The following LRRTM4 variants were observed in gnomAD, a reference collection of about 807,000 sequenced individuals.
LRRTM4 encodes the protein leucine rich repeat transmembrane neuronal 4, also known as leucine-rich repeat transmembrane neuronal protein 4.
A neutral mutation model predicts 47.6 loss-of-function variants in LRRTM4; 25 were observed. The observed-to-expected ratio is 0.53, with a 90% CI of 0.38 to 0.73. The LOEUF is 0.73. Ranked by LOEUF, LRRTM4 falls within the 30% of genes least tolerant of loss-of-function variation. The pLI is 0.00. For missense variants in LRRTM4, 638 were observed against 713.4 expected (o/e 0.89, Z 1.20); for synonymous variants, 311 against 269.5 (o/e 1.15, Z -1.51).
chr2:77,463,034 T>A (rs952554783), intron 3 of LRRTM4, among the ~76,000 whole-genome samples: 2 of 152,034 alleles, frequency 1.3e-5, no homozygotes, highest in Admixed American at 6.6e-5. Context: ...GCCTTGATTA[T>A]CAGTGGAAAT....
chr2:76,769,525 G>GA (rs70939834), intron 3 of LRRTM4, among the ~76,000 whole-genome samples: 18,962 of 147,684 alleles, frequency 0.13, 1,656 homozygotes, highest in East Asian at 0.4. Context: ...ACTTGCAACT[G>GA]AAAAAAAAAC....
chr2:77,507,037 G>A (rs1678803219), intron 3 of LRRTM4, among the ~76,000 whole-genome samples: 1 of 152,006 alleles, frequency 6.6e-6, no homozygotes, highest in Non-Finnish European at 1.5e-5. Flanking sequence ...TATTACCTCT[G>A]CATAGTGGGG....
chr2:77,218,536 T>G (rs1239683126), intron 3 of LRRTM4, among the ~76,000 whole-genome samples: 1 of 151,616 alleles, frequency 6.6e-6, no homozygotes, highest in Non-Finnish European at 1.5e-5. Flanking sequence ...ATTTATTTAT[T>G]TATTTATTGT....
At chr2:76,771,849 A>T (rs746808145) in intron 3 of LRRTM4, among the ~76,000 whole-genome samples, 9 of 151,942 alleles carry the variant, frequency 5.9e-5, no homozygotes, top group Non-Finnish European at 1.2e-4. Context: ...GGAGGACTCT[A>T]ACTCTATGTG....
At chr2:77,193,639 G>A (rs892026036) in intron 3 of LRRTM4, among the ~76,000 whole-genome samples, 11 of 151,844 alleles carry the variant, frequency 7.2e-5, no homozygotes, top group South Asian at 2.1e-4. Context: ...GTGAAACCCC[G>A]TCTCTACAAA....
At chr2:76,921,420 C>T (rs1469541953) in intron 3 of LRRTM4, among the ~76,000 whole-genome samples, 3 of 152,010 alleles carry the variant, frequency 2.0e-5, no homozygotes, top group African/African-American at 7.2e-5. Flanking sequence ...TAATGTTTGA[C>T]AGATTTCTCT....
intron 3 of LRRTM4, among the ~76,000 whole-genome samples, chr2:76,822,542 A>G (rs1671081368): frequency 6.6e-6 from 1 of 151,610 alleles, no homozygotes; most frequent in Non-Finnish European, 1.5e-5. Flanking sequence ...CTGAACTTTC[A>G]GAGGCAAAAA....
chr2:76,859,743 A>G (rs529863994), intron 3 of LRRTM4, among the ~76,000 whole-genome samples: 15 of 152,280 alleles, frequency 9.9e-5, no homozygotes, highest in African/African-American at 3.6e-4. Flanking sequence ...TGTTTACTAG[A>G]TAGAAATCTT....
At chr2:77,515,249 T>C (rs949158169) in intron 3 of LRRTM4, among the ~76,000 whole-genome samples, 2 of 152,008 alleles carry the variant, frequency 1.3e-5, no homozygotes, top group East Asian at 1.9e-4. Context: ...TAAAATATTA[T>C]CCCTCATTTT....
At chr2:76,851,329 T>G (rs1355324963) in intron 3 of LRRTM4, among the ~76,000 whole-genome samples, 1 of 152,180 alleles carries the variant, frequency 6.6e-6, no homozygotes, top group African/African-American at 2.4e-5. Context: ...CTGAAAAGCT[T>G]AACAACCACT....
intron 3 of LRRTM4, among the ~76,000 whole-genome samples, chr2:76,826,309 G>A (rs1436849861): frequency 6.6e-6 from 1 of 151,542 alleles, no homozygotes; most frequent in Non-Finnish European, 1.5e-5. Flanking sequence ...AGAATTTAGG[G>A]CTAGGAATGA....
At chr2:77,017,699 G>A (rs1383994249) in intron 3 of LRRTM4, among the ~76,000 whole-genome samples, 2 of 152,082 alleles carry the variant, frequency 1.3e-5, no homozygotes, top group Non-Finnish European at 2.9e-5. Context: ...ACCCGAGGTA[G>A]TCATTACGAT....
chr2:77,411,068 G>C (rs1346020197), intron 3 of LRRTM4, among the ~76,000 whole-genome samples: 3 of 152,136 alleles, frequency 2.0e-5, no homozygotes, highest in Non-Finnish European at 2.9e-5. Context: ...TAATCTGTTA[G>C]CATTATAAAA....
intron 3 of LRRTM4, among the ~76,000 whole-genome samples, chr2:77,335,718 G>C (rs1671138623): frequency 6.6e-6 from 1 of 152,078 alleles, no homozygotes; most frequent in Non-Finnish European, 1.5e-5. Flanking sequence ...TATCTATTTT[G>C]AACATTGATG....
intron 3 of LRRTM4, among the ~76,000 whole-genome samples, chr2:77,122,539 TAC>T (rs918070662): frequency 2.7e-5 from 4 of 150,504 alleles, no homozygotes; most frequent in African/African-American, 7.3e-5. Context: ...ACAATAGATA[TAC>T]ACACACACAT....
chr2:76,898,333 T>C (rs951591904), intron 3 of LRRTM4, among the ~76,000 whole-genome samples: 5 of 151,870 alleles, frequency 3.3e-5, no homozygotes, highest in African/African-American at 7.3e-5. Flanking sequence ...GCAGATTACA[T>C]AGCTTATTTG....
chr2:76,949,819 A>G (rs1573357265), intron 3 of LRRTM4, among the ~76,000 whole-genome samples: 1 of 151,998 alleles, frequency 6.6e-6, no homozygotes, highest in African/African-American at 2.4e-5. Context: ...TGACATTAAG[A>G]AAACACAGAA....
At chr2:77,115,364 C>G (rs1359486816) in intron 3 of LRRTM4, among the ~76,000 whole-genome samples, 1 of 152,144 alleles carries the variant, frequency 6.6e-6, no homozygotes, top group Non-Finnish European at 1.5e-5. Context: ...AATTAGATTT[C>G]ATATTGTTCG....
Position 77,140,754 on chromosome 2 carries a change from G to A in LRRTM4, c.1551+377564C>T, listed in dbSNP as rs552126575. ...GACAAAGGGCTAATATCCAGAATCT[G>A]CAATGAACTCCAACAGATTTACAAG... On this transcript the variant is annotated intron_variant, in intron 3 of 3. Coordinates refer to ENST00000409884, the MANE Select transcript of LRRTM4 (RefSeq NM_001134745.3). Among the ~76,000 whole-genome samples, 23 of 152,194 alleles carry A rather than the reference G, an allele frequency of 1.5e-4. No homozygotes were observed. In the East Asian group the frequency reaches 4.1e-3, roughly 27 times the overall value.
Sources: allele counts gnomAD v4.1 joint callset (sites outside exome capture counted in the v4.1 genomes callset), GRCh38; gene constraint gnomAD v4.1.1; transcripts MANE v1.5; gene names NCBI Gene and HGNC (gene_info 2026-07-23, HGNC 2026-07-21).